NREP: variants seen among roughly 807,000 people sequenced by gnomAD.
NREP encodes the protein neuronal regeneration related protein, also known as neuronal regeneration-related protein.
Under a neutral mutation model 8.6 loss-of-function variants are expected in NREP, and 5 were observed. The ratio of observed to expected loss-of-function variants is 0.58; its 90% CI spans 0.30 to 1.22. The LOEUF (loss-of-function observed/expected upper bound fraction) is 1.22. Ranked by LOEUF, NREP falls within the 50% of genes most tolerant of loss-of-function variation. The probability of loss-of-function intolerance (pLI) is 0.07; values close to 1 mark genes in which losing one functional copy is unlikely to be tolerated. For synonymous variants in NREP, 27 were observed against 28.0 expected (o/e 0.96, Z 0.11); for missense variants, 86 against 82.5 (o/e 1.04, Z -0.17).
intron 2 of NREP, among the ~76,000 whole-genome samples, chr5:111,800,541 T>C (rs1266110036): frequency 1.3e-5 from 2 of 152,242 alleles, no homozygotes; most frequent in African/African-American, 2.4e-5. Context: ...TGGCATGCCA[T>C]TCCAGTCATT....
At chr5:111,778,591 C>T (rs1751417387) in intron 2 of NREP, among the ~76,000 whole-genome samples, 1 of 152,124 alleles carries the variant, frequency 6.6e-6, no homozygotes, top group Non-Finnish European at 1.5e-5. Flanking sequence ...GCTTTTCCCA[C>T]ACTCCATTAC....
chr5:111,760,295 G>A (rs1281516497), upstream of NREP, among the ~76,000 whole-genome samples: 1 of 152,160 alleles, frequency 6.6e-6, no homozygotes, highest in Non-Finnish European at 1.5e-5. Context: ...ACTCATCCTT[G>A]ATTGAGAACC....
chr5:111,953,258 T>G (rs1435558415), intron 2 of NREP, among the ~76,000 whole-genome samples: 1 of 152,140 alleles, frequency 6.6e-6, no homozygotes, highest in Non-Finnish European at 1.5e-5. Context: ...CACAAACTTC[T>G]CAGATGGGCA....
At position 111,877,530 on chromosome 5, in the gene NREP, G is replaced by A. The variant is rs7728295; in HGVS notation, c.135+97744C>T. 6.4e-3 allele frequency among the ~76,000 whole-genome samples: 975 copies of A among 152,328 alleles called. 15 individuals carry two copies. The highest frequency in any genetic ancestry group is 0.022 in the African/African-American group (929 of 41,572). On this transcript the variant is annotated intron_variant, in intron 2 of 3. Coordinates refer to the NREP transcript ENST00000395634. ...AGCAGGGAGATTGGGAGTTGGTTGT[G>A]TTAGTTAATCTGCTTTTGTAACCAT...
intron 2 of NREP, among the ~76,000 whole-genome samples, chr5:111,919,987 C>CAT (rs1343717141): frequency 6.1e-5 from 7 of 114,772 alleles, no homozygotes; most frequent in African/African-American, 2.0e-4. Context: ...CCCCCCCCCA[C>CAT]ACACACAAAG....
At chr5:111,848,394 A>T (rs1753230299) in intron 2 of NREP, among the ~76,000 whole-genome samples, 1 of 152,030 alleles carries the variant, frequency 6.6e-6, no homozygotes, top group African/African-American at 2.4e-5. Context: ...TTAGATGCTC[A>T]CAGGATGCTT....
intron 2 of NREP, among the ~76,000 whole-genome samples, chr5:111,936,881 A>C (rs1200851701): frequency 1.3e-5 from 2 of 152,064 alleles, no homozygotes; most frequent in African/African-American, 4.8e-5. Context: ...GTCTAACACA[A>C]GGTGCTATTT....
At chr5:111,880,833 C>T (rs1195104743) in intron 2 of NREP, among the ~76,000 whole-genome samples, 1 of 148,386 alleles carries the variant, frequency 6.7e-6, no homozygotes, top group East Asian at 2.0e-4. Flanking sequence ...ACATCCCAGG[C>T]TCATAGAGGC....
chr5:111,906,968 G>A (rs1367847508), intron 2 of NREP, among the ~76,000 whole-genome samples: 1 of 151,904 alleles, frequency 6.6e-6, no homozygotes, highest in Non-Finnish European at 1.5e-5. Flanking sequence ...AGAGTTTCGT[G>A]TTGTTGTCCA....
rs1252849559 is a variant in NREP, at chr5:111,796,450, C to T, written c.136-60943G>A. Among the ~76,000 whole-genome samples the T allele has an allele frequency of 2.0e-5, 3 of 152,134 alleles. No individual in the cohort carries two copies. In the East Asian group the frequency reaches 5.8e-4, roughly 29 times the overall value. On this transcript the variant is annotated intron_variant, in intron 2 of 3. Coordinates refer to the NREP transcript ENST00000395634. ...TGAATATCTTTAGGGGATCATTATT[C>T]TACCTATCACAACCACTATATTAAT... is the stretch of plus-strand genomic sequence containing the variant.
At chr5:111,799,021 T>C (rs1386743298) in intron 2 of NREP, among the ~76,000 whole-genome samples, 2 of 152,208 alleles carry the variant, frequency 1.3e-5, no homozygotes, top group East Asian at 3.8e-4. Flanking sequence ...ATAGTTGTTG[T>C]ACTAGTTTGC....
chr5:111,809,903 G>GTGTT (rs1336191819), intron 2 of NREP, among the ~76,000 whole-genome samples: 2 of 151,056 alleles, frequency 1.3e-5, no homozygotes, highest in African/African-American at 4.9e-5. Context: ...GTGTGTGTGT[G>GTGTT]TGTGTGTGTA....
intron 2 of NREP, among the ~76,000 whole-genome samples, chr5:111,772,405 T>C (rs1751252458): frequency 6.6e-6 from 1 of 152,188 alleles, no homozygotes. Context: ...TAGAAACAAT[T>C]TTGAGATTTT....
At chr5:111,736,862 G>T (rs922941204) in intron 2 of NREP, among the ~76,000 whole-genome samples, 1 of 152,068 alleles carries the variant, frequency 6.6e-6, no homozygotes, top group Non-Finnish European at 1.5e-5. Flanking sequence ...GGTAGTGTAG[G>T]GTAGGACTGA....
At chr5:111,943,446 C>T (rs534846946) in intron 2 of NREP, among the ~76,000 whole-genome samples, 54 of 152,140 alleles carry the variant, frequency 3.5e-4, no homozygotes, top group Non-Finnish European at 5.4e-4. Flanking sequence ...TCATCAATTA[C>T]AAACCAAATG....
At chr5:111,747,515 G>A (rs1174737262) in intron 2 of NREP, among the ~76,000 whole-genome samples, 2 of 152,206 alleles carry the variant, frequency 1.3e-5, no homozygotes, top group South Asian at 2.1e-4. Flanking sequence ...AGCTGGGATG[G>A]GGGAGAGAAG....
intron 2 of NREP, among the ~76,000 whole-genome samples, chr5:111,892,828 C>A (rs1468097366): frequency 6.6e-6 from 1 of 152,028 alleles, no homozygotes; most frequent in Non-Finnish European, 1.5e-5. Flanking sequence ...CTTCCATAAA[C>A]CCTACGAAAA....
chr5:111,962,408 C>A (rs943208615), intron 2 of NREP, among the ~76,000 whole-genome samples: 2 of 152,108 alleles, frequency 1.3e-5, no homozygotes, highest in African/African-American at 2.4e-5. Flanking sequence ...GGAGAGAAAT[C>A]AGTATCACAG....
At chr5:111,846,993 G>A (rs909528847) in intron 2 of NREP, among the ~76,000 whole-genome samples, 3 of 152,086 alleles carry the variant, frequency 2.0e-5, no homozygotes, top group African/African-American at 4.8e-5. Flanking sequence ...AATCTTAGGG[G>A]ACCAAACACT....
Sources: allele counts gnomAD v4.1 joint callset (sites outside exome capture counted in the v4.1 genomes callset), GRCh38; gene constraint gnomAD v4.1.1; transcripts MANE v1.5; gene names NCBI Gene and HGNC (gene_info 2026-07-23, HGNC 2026-07-21).